The following FBXL13 variants were observed in gnomAD, a reference collection of about 807,000 sequenced individuals.
The protein encoded by FBXL13 is F-box and leucine-rich repeat protein 13.
Under a neutral mutation model 83.6 loss-of-function variants are expected in FBXL13, and 67 were observed. That is an observed-to-expected ratio of 0.80 (90% CI 0.66 to 0.98). The LOEUF (loss-of-function observed/expected upper bound fraction) is 0.98. Ranked by LOEUF, FBXL13 falls within the 50% of genes least tolerant of loss-of-function variation. The probability of loss-of-function intolerance (pLI) is 0.00; values close to 1 mark genes in which losing one functional copy is unlikely to be tolerated. For synonymous variants in FBXL13, 272 were observed against 299.5 expected, an observed-to-expected ratio of 0.91 and a Z score of 0.95; for missense variants, 822 against 866.5, an observed-to-expected ratio of 0.95 and a Z score of 0.64.
At chr7:102,822,533 CT>C (rs1297277616) in intron 18 of FBXL13, 6 of 476,674 alleles carry the variant, frequency 1.3e-5, no homozygotes, top group Non-Finnish European at 2.5e-5. Context: ...ATGACCTCTT[CT>C]AAATCTGTTT....
chr7:103,059,549 A>C (rs1202305396), intron 1 of FBXL13, among the ~76,000 whole-genome samples: 1 of 152,212 alleles, frequency 6.6e-6, no homozygotes, highest in Non-Finnish European at 1.5e-5. Flanking sequence ...CCTTATTATT[A>C]ATAATATTCT....
chr7:102,867,741 C>T (rs1174035533), intron 16 of FBXL13, among the ~76,000 whole-genome samples: 9 of 118,902 alleles, frequency 7.6e-5, no homozygotes, highest in African/African-American at 1.3e-4. Context: ...CTTGCTGTGT[C>T]GCCCAGGCTG....
At chr7:102,939,086 A>G (rs1357391811) in intron 8 of FBXL13, among the ~76,000 whole-genome samples, 1 of 152,200 alleles carries the variant, frequency 6.6e-6, no homozygotes, top group Non-Finnish European at 1.5e-5. Context: ...AGCCCAGCAG[A>G]TGTGGGTTCA....
At chr7:102,848,902 A>T (rs897425924) in intron 17 of FBXL13, among the ~76,000 whole-genome samples, 3 of 152,132 alleles carry the variant, frequency 2.0e-5, no homozygotes, top group African/African-American at 7.2e-5. Flanking sequence ...CGGGAGGCTG[A>T]GGCAGGGGAA....
chr7:102,999,752 G>A (rs893097578), intron 6 of FBXL13, among the ~76,000 whole-genome samples: 1 of 151,972 alleles, frequency 6.6e-6, no homozygotes, highest in African/African-American at 2.4e-5. Flanking sequence ...GGTATCAGTT[G>A]CAATGTCTCA....
chr7:102,870,024 G>A (rs1017344162), intron 16 of FBXL13, among the ~76,000 whole-genome samples: 1 of 152,168 alleles, frequency 6.6e-6, no homozygotes, highest in African/African-American at 2.4e-5. Flanking sequence ...ATAGTATTTA[G>A]TAGTAGATTT....
chr7:102,969,369 C>T (rs1277271475), intron 6 of FBXL13, among the ~76,000 whole-genome samples: 1 of 152,076 alleles, frequency 6.6e-6, no homozygotes, highest in African/African-American at 2.4e-5. Context: ...ATTATACCAT[C>T]TAGGTTTGTG....
intron 6 of FBXL13, among the ~76,000 whole-genome samples, chr7:102,982,727 T>A (rs943256021): frequency 6.6e-6 from 1 of 152,152 alleles, no homozygotes; most frequent in Non-Finnish European, 1.5e-5. Flanking sequence ...GCAACCATGA[T>A]TGTGAGGCCT....
At chr7:102,893,351 G>A (rs1361114983) in intron 11 of FBXL13, among the ~76,000 whole-genome samples, 1 of 152,142 alleles carries the variant, frequency 6.6e-6, no homozygotes, top group Non-Finnish European at 1.5e-5. Flanking sequence ...GACCTTAGAG[G>A]TTATTTAGCC....
At chr7:102,880,087 T>C (rs1809825257) in intron 14 of FBXL13, among the ~76,000 whole-genome samples, 1 of 152,256 alleles carries the variant, frequency 6.6e-6, no homozygotes, top group African/African-American at 2.4e-5. Flanking sequence ...AATATGTATT[T>C]TTAATTTATC....
chr7:102,931,141 A>T (rs1259675227), intron 9 of FBXL13, among the ~76,000 whole-genome samples: 1 of 152,196 alleles, frequency 6.6e-6, no homozygotes, highest in Non-Finnish European at 1.5e-5. Flanking sequence ...CCACTTGGGG[A>T]CAAAGGGAAA....
At chr7:102,893,960 AAGAG>A (rs1182884480) in intron 11 of FBXL13, among the ~76,000 whole-genome samples, 3 of 133,612 alleles carry the variant, frequency 2.2e-5, no homozygotes, top group South Asian at 2.4e-4. Context: ...GAAAGAAAGA[AAGAG>A]AGAAAGAAAG....
Position 103,021,745 on chromosome 7 carries a change from C to T in FBXL13, c.495+3318G>A, listed in dbSNP as rs985400878. On this transcript the variant is annotated intron_variant, in intron 6 of 19. Coordinates refer to ENST00000313221, the Ensembl canonical transcript of FBXL13. The stretch of plus-strand genomic sequence containing the variant: ...ACACATGAAAAAATGCTCATCATCC[C>T]TGGCCATCAGAGAAATGCAAATCAA... Among the ~76,000 whole-genome samples the T allele has an allele frequency of 7.1e-4, 108 of 152,182 alleles. 1 individual carries two copies. The highest frequency in any genetic ancestry group is 1.9e-4 in the Non-Finnish European group (13 of 68,044).
At position 102,826,769 on chromosome 7, in the gene FBXL13, A is replaced by ATATATATATATG. The variant is rs1414065543; in HGVS notation, c.1855-4567_1855-4566insCATATATATATA. Reference sequence around the variant, plus strand: ...TATATATATATATATATATATATATATATGTATATATATCTCTAATATATT... The same window carrying ATATATATATATG: ...TATATATATATATATATATATATATATATATATATATGTATGTATATATATCTCTAATATATT... On this transcript the variant is annotated intron_variant, in intron 18 of 19. Transcript: ENST00000313221. Among the ~76,000 whole-genome samples, 693 of 100,606 alleles carry ATATATATATATG rather than the reference A, an allele frequency of 6.9e-3. 45 individuals are homozygous for ATATATATATATG. The highest frequency in any genetic ancestry group is 8.7e-3 in the Non-Finnish European group (435 of 49,870). The allele number at this position is 100,606 out of a possible 152,430, so 66.0% of individuals were successfully genotyped here.
At chr7:103,031,326 T>G (rs539291746) in intron 2 of FBXL13, 76 of 152,420 alleles carry the variant, frequency 5.0e-4, no homozygotes, top group African/African-American at 1.8e-3. Context: ...TGCTTCTGAC[T>G]GAAAAATATT....
chr7:102,836,931 T>C (rs1373031396), intron 17 of FBXL13, among the ~76,000 whole-genome samples: 1 of 152,258 alleles, frequency 6.6e-6, no homozygotes, highest in Non-Finnish European at 1.5e-5. Context: ...TAGGTCCCAA[T>C]TAATTCTACT....
chr7:102,913,128 T>A (rs1446893196), exon 11 of FBXL13: 2 of 1,614,048 alleles, frequency 1.2e-6, no homozygotes, highest in South Asian at 2.2e-5. Flanking sequence ...GCTTGTGGCA[T>A]CCATTCCCCA....
chr7:102,856,489 T>A (rs149233556), intron 16 of FBXL13, among the ~76,000 whole-genome samples: 16 of 152,280 alleles, frequency 1.1e-4, no homozygotes, highest in Non-Finnish European at 2.1e-4. Context: ...AAGTTAGAAT[T>A]TTTTAAGATA....
chr7:102,926,407 A>C (rs748813485), intron 9 of FBXL13, 33 bp from the exon 11 acceptor site: 1 of 1,543,838 alleles, frequency 6.5e-7, no homozygotes, highest in Admixed American at 1.8e-5. Context: ...AGGCTTATCA[A>C]ATTATAGCAG....
Sources: gnomAD v4.1 joint callset for allele counts (sites outside exome capture counted in the v4.1 genomes callset) on GRCh38, gnomAD v4.1.1 for gene constraint, MANE v1.5 for transcripts, NCBI Gene and HGNC (gene_info 2026-07-23, HGNC 2026-07-21) for gene names.